CHN2: variants seen among roughly 807,000 people sequenced by gnomAD.
CHN2 encodes the protein beta-chimaerin.
CHN2 carries 35 observed loss-of-function variants against 56.3 expected under a neutral mutation model. The ratio of observed to expected loss-of-function variants is 0.62; its 90% CI spans 0.47 to 0.82. The LOEUF is 0.82. Ranked by LOEUF, CHN2 falls within the 40% of genes least tolerant of loss-of-function variation. The probability of loss-of-function intolerance (pLI) is 0.00; values close to 1 mark genes in which losing one functional copy is unlikely to be tolerated. For synonymous variants in CHN2, 210 were observed against 212.8 expected, an observed-to-expected ratio of 0.99 and a Z score of 0.12; for missense variants, 491 against 580.5, an observed-to-expected ratio of 0.85 and a Z score of 1.58.
At chr7:29,293,977 C>T (rs959434943) in intron 1 of CHN2, among the ~76,000 whole-genome samples, 2 of 150,632 alleles carry the variant, frequency 1.3e-5, no homozygotes, top group Admixed American at 1.3e-4. Flanking sequence ...CGCCATTCTC[C>T]TGCCTCAGCC....
chr7:29,195,629 A>AGAGAGT (rs869037854), intron 1 of CHN2, among the ~76,000 whole-genome samples: 79 of 117,574 alleles, frequency 6.7e-4, no homozygotes, highest in African/African-American at 1.4e-3. Context: ...AGAGAGAGAG[A>AGAGAGT]GTGTGTGTGT....
chr7:29,393,681 G>A lies in CHN2; in HGVS notation c.147G>A (p.Val49=), dbSNP rs1801523260. The A allele has an allele frequency of 2.2e-6, 2 of 893,864 alleles. No homozygotes were observed. The highest frequency in any genetic ancestry group is 2.9e-5 in the South Asian group (2 of 69,308). The allele number at this position is 893,864 out of a possible 1,614,324, so 55.4% of individuals were successfully genotyped here. A position where few individuals can be genotyped will look rare whatever the true frequency, so the allele number is the denominator to read the frequency against. The change falls in exon 4 of 13, where the codon GTG becomes GTA. Residue 49 remains valine (V), a splice_region_variant and synonymous_variant. Transcript: ENST00000222792. ...RPKRIICPRE[V]ENRPKYYGRE... ...ATTTTTTTTTCTTTTTAATATAGGT[G>A]GAAAACAGACCAAAATATTATGGAA...
chr7:29,479,667 C>T (rs1786914018), intron 6 of CHN2: 3 of 1,036,180 alleles, frequency 2.9e-6, no homozygotes, highest in South Asian at 3.8e-5. Context: ...TTGGATGCAG[C>T]CTCAGACTTT....
chr7:29,276,198 A>G (rs1791202255), intron 1 of CHN2, among the ~76,000 whole-genome samples: 1 of 152,082 alleles, frequency 6.6e-6, no homozygotes, highest in Non-Finnish European at 1.5e-5. Flanking sequence ...TGAGTAGGAC[A>G]GTGTAAGGAG....
In CHN2 at chr7:29,512,855, G is replaced by A. The variant is rs537310995; in HGVS notation, c.*120G>A. ...AGCAAGTGCTAGAATTTCCTGGACT[G>A]CAGAGGATCGCTGAGTGGGGTACTG... On this transcript the variant is annotated 3_prime_UTR_variant, in exon 13 of 13. Coordinates refer to ENST00000222792, the MANE Select transcript of CHN2 (RefSeq NM_004067.4). The A allele has an allele frequency of 4.6e-5, 50 of 1,081,130 alleles. No homozygotes were observed. The South Asian group carries it at 7.4e-4, about 16-fold the overall frequency. 67.0% of individuals were successfully genotyped at this position (1,081,130 alleles called of 1,614,324 possible). A position where few individuals can be genotyped will look rare whatever the true frequency, so the allele number is the denominator to read the frequency against.
At chr7:29,193,619 A>C (rs1783181447), upstream of CHN2, 1 of 152,118 alleles carries the variant, frequency 6.6e-6, no homozygotes, top group African/African-American at 2.4e-5. Flanking sequence ...AACAGACTTA[A>C]AAAAAATCTG....
chr7:29,219,244 CG>C (rs146109884), intron 1 of CHN2, among the ~76,000 whole-genome samples: 2,745 of 152,110 alleles, frequency 0.018, 76 homozygotes, highest in African/African-American at 0.062. Context: ...TGCTTAGAAA[CG>C]TTTTTAGGAA....
intron 1 of CHN2, among the ~76,000 whole-genome samples, chr7:29,339,617 C>G (rs1173992131): frequency 6.6e-6 from 1 of 152,174 alleles, no homozygotes; most frequent in East Asian, 1.9e-4. Context: ...TTTTGGGAGG[C>G]TGAGGCGGGT....
At chr7:29,170,226 T>C in intron 2 of CHN2, among the ~76,000 whole-genome samples, 1 of 152,174 alleles carries the variant, frequency 6.6e-6, no homozygotes, top group East Asian at 1.9e-4. Flanking sequence ...AATAGATTGC[T>C]GGTGATACTG....
intron 1 of CHN2, among the ~76,000 whole-genome samples, chr7:29,262,897 A>C (rs1303817040): frequency 6.6e-6 from 1 of 152,222 alleles, no homozygotes; most frequent in Non-Finnish European, 1.5e-5. Flanking sequence ...TTACCTATGT[A>C]ATAAACCTGC....
intron 6 of CHN2, among the ~76,000 whole-genome samples, chr7:29,452,203 A>G (rs1213621075): frequency 6.6e-6 from 1 of 152,160 alleles, no homozygotes; most frequent in Non-Finnish European, 1.5e-5. Flanking sequence ...ACTTCATTTT[A>G]TTTCTAGTTT....
At chr7:29,212,447 G>A in intron 1 of CHN2, 1 of 1,604,984 alleles carries the variant, frequency 6.2e-7, no homozygotes. Flanking sequence ...CTCACACGGA[G>A]ACTGTCTCTC....
At chr7:29,454,871 C>A (rs892598522) in intron 6 of CHN2, among the ~76,000 whole-genome samples, 1 of 151,460 alleles carries the variant, frequency 6.6e-6, no homozygotes, top group Admixed American at 6.6e-5. Context: ...ACAGTTCTGA[C>A]TTTTTAAAAA....
chr7:29,328,130 G>A (rs535102811), intron 1 of CHN2, among the ~76,000 whole-genome samples: 25 of 152,262 alleles, frequency 1.6e-4, no homozygotes, highest in African/African-American at 4.1e-4. Flanking sequence ...CCTGGGCAGC[G>A]TCTTCATTTC....
At chr7:29,471,808 G>T (rs564381496) in intron 6 of CHN2, among the ~76,000 whole-genome samples, 6 of 152,204 alleles carry the variant, frequency 3.9e-5, no homozygotes, top group Admixed American at 1.3e-4. Context: ...TGCTTAAATG[G>T]CCTCAAATAA....
rs554088638 is a variant in CHN2, at chr7:29,146,729, G to C, written c.146G>C (p.Arg49Pro). ...ATCTTAAAAATTAATGAAGAGCATC[G>C]GCGGGGTGCCATTCAGGTTGGTTTG... The change falls in exon 1 of 7, where the codon CGG becomes CCG. Residue 49 changes from arginine (R) to proline (P), a missense_variant. Physicochemically the swap from Arg to Pro is moderately radical, Grantham distance 103 (BLOSUM62 -2). Coordinates refer to the CHN2 transcript ENST00000439384. 2.5e-5 allele frequency: 39 copies of C among 1,550,512 alleles called. No homozygotes were observed. In the African/African-American group the frequency reaches 3.8e-4, roughly 15 times the overall value.
At chr7:29,168,236 C>T (rs564161093) in intron 2 of CHN2, among the ~76,000 whole-genome samples, 23 of 152,082 alleles carry the variant, frequency 1.5e-4, no homozygotes, top group African/African-American at 5.1e-4. Context: ...TTGTTTAAAC[C>T]ATCTTTCAAT....
chr7:29,219,885 C>T (rs991245957), intron 1 of CHN2, among the ~76,000 whole-genome samples: 3 of 152,032 alleles, frequency 2.0e-5, no homozygotes, highest in Non-Finnish European at 4.4e-5. Context: ...ACCATCCTGG[C>T]TAACACAGTG....
intron 7 of CHN2, among the ~76,000 whole-genome samples, chr7:29,489,579 AAT>A (rs1788421649): frequency 6.6e-6 from 1 of 152,214 alleles, no homozygotes; most frequent in Non-Finnish European, 1.5e-5. Context: ...AAAATTGAAC[AAT>A]ATATCGGTCG....
Sources: gnomAD v4.1 joint callset for allele counts (sites outside exome capture counted in the v4.1 genomes callset) on GRCh38, gnomAD v4.1.1 for gene constraint, MANE v1.5 for transcripts, NCBI Gene and HGNC (gene_info 2026-07-23, HGNC 2026-07-21) for gene names.